Variants in LARGE1 observed in about 807,000 individuals in gnomAD.
The protein encoded by LARGE1 is LARGE xylosyl- and glucuronyltransferase 1, also known as xylosyl- and glucuronyltransferase LARGE1.
Under a neutral mutation model 87.6 loss-of-function variants are expected in LARGE1, and 43 were observed. That is an observed-to-expected ratio of 0.49 (90% CI 0.38 to 0.63). The LOEUF (loss-of-function observed/expected upper bound fraction) is 0.63, where lower values mean the gene tolerates loss of function less well. Ranked by LOEUF, LARGE1 falls within the 30% of genes least tolerant of loss-of-function variation. The probability of loss-of-function intolerance (pLI) is 0.00; values close to 1 mark genes in which losing one functional copy is unlikely to be tolerated. For missense variants in LARGE1, 802 were observed against 1,000.2 expected, an observed-to-expected ratio of 0.80 and a Z score of 2.67; for synonymous variants, 434 against 394.6, an observed-to-expected ratio of 1.10 and a Z score of -1.18.
chr22:33,447,416 C>A (rs1193235727), intron 6 of LARGE1, among the ~76,000 whole-genome samples: 1 of 152,162 alleles, frequency 6.6e-6, no homozygotes, highest in Non-Finnish European at 1.5e-5. Context: ...CATGCAGGGG[C>A]CGAGGGCCAA....
intron 6 of LARGE1, chr22:33,436,454 T>C (rs1041939902): frequency 6.5e-6 from 1 of 153,160 alleles, no homozygotes. Flanking sequence ...CCCCTGAGAT[T>C]CTTGCTAAAA....
At chr22:33,662,076 CAAAAAAAAA>C (rs34470280) in intron 2 of LARGE1, among the ~76,000 whole-genome samples, 3 of 54,896 alleles carry the variant, frequency 5.5e-5, no homozygotes, top group Admixed American at 2.2e-4. Flanking sequence ...GCTTAGGAGC[CAAAAAAAAA>C]AAAAAAAAAA....
chr22:33,542,042 A>T (rs922960770), intron 6 of LARGE1, among the ~76,000 whole-genome samples: 2 of 151,652 alleles, frequency 1.3e-5, no homozygotes, highest in Non-Finnish European at 2.9e-5. Context: ...GCTGCCTGGA[A>T]TCCCAGCTAC....
At chr22:33,316,721 A>G (rs1936201103) in intron 10 of LARGE1, among the ~76,000 whole-genome samples, 1 of 152,156 alleles carries the variant, frequency 6.6e-6, no homozygotes, top group Admixed American at 6.5e-5. Context: ...TAGGCTACAG[A>G]GCAAAACCCT....
At chr22:33,369,789 G>C (rs371843565) in intron 9 of LARGE1, among the ~76,000 whole-genome samples, 1 of 152,004 alleles carries the variant, frequency 6.6e-6, no homozygotes, top group South Asian at 2.1e-4. Context: ...AGCTGGTCTC[G>C]AATTCCTGAA....
At chr22:33,401,330 G>A (rs560204341) in intron 7 of LARGE1, among the ~76,000 whole-genome samples, 5 of 152,212 alleles carry the variant, frequency 3.3e-5, no homozygotes, top group South Asian at 4.1e-4. Context: ...GAGGTCAGAC[G>A]GGTGACCAAT....
At chr22:33,165,973 C>T (rs943858118) in exon 12 of LARGE1, 7 of 152,160 alleles carry the variant, frequency 4.6e-5, no homozygotes, top group Non-Finnish European at 1.0e-4. Flanking sequence ...GATTATTATT[C>T]AGTGTGGTAA....
chr22:33,899,736 A>C (rs2065236125), intron 1 of LARGE1, among the ~76,000 whole-genome samples: 1 of 152,236 alleles, frequency 6.6e-6, no homozygotes. Context: ...GCAAAGCAAC[A>C]TCGATGACCA....
At position 33,473,607 on chromosome 22, in the gene LARGE1, C is replaced by A. The variant is rs560639763; in HGVS notation, c.788-41342G>T. Among the ~76,000 whole-genome samples the A allele has an allele frequency of 5.6e-4, 85 of 152,240 alleles. 1 individual carries two copies. Among genetic ancestry groups the A allele is most frequent in the African/African-American group, 1.9e-3 (79 of 41,552 alleles). On this transcript the variant is annotated intron_variant, in intron 6 of 14. Transcript: ENST00000397394. ...TGACCTCGTGATCCACCATGCCCAA[C>A]CAATTTTTTGTATTTTTAGTAGAGG... is the stretch of plus-strand genomic sequence containing the variant.
At chr22:33,152,023 A>C in the LARGE1 span, among the ~76,000 whole-genome samples, 1 of 151,414 alleles carries the variant, frequency 6.6e-6, no homozygotes, top group South Asian at 2.1e-4. Flanking sequence ...TTTTCTTCAA[A>C]TGTTTGATAA....
chr22:33,903,214 A>G (rs966519166), intron 1 of LARGE1, among the ~76,000 whole-genome samples: 8 of 152,176 alleles, frequency 5.3e-5, no homozygotes, highest in Non-Finnish European at 1.0e-4. Flanking sequence ...TAATAACAGG[A>G]AGAGATTAGA....
chr22:33,393,253 A>T (rs1282050089), intron 7 of LARGE1, among the ~76,000 whole-genome samples: 1 of 152,176 alleles, frequency 6.6e-6, no homozygotes, highest in Non-Finnish European at 1.5e-5. Flanking sequence ...GAGAAACAGA[A>T]CTCTGTTTAT....
chr22:33,407,973 A>G (rs544847314), intron 7 of LARGE1, among the ~76,000 whole-genome samples: 5 of 150,738 alleles, frequency 3.3e-5, no homozygotes, highest in Admixed American at 2.0e-4. Context: ...GGTGGTAAGG[A>G]AGATAAACTT....
chr22:33,861,037 G>A (rs979606812), intron 1 of LARGE1, among the ~76,000 whole-genome samples: 4 of 152,170 alleles, frequency 2.6e-5, no homozygotes, highest in South Asian at 2.1e-4. Context: ...GGTGGGCAAC[G>A]CTTCCTTAGG....
chr22:33,551,616 A>G (rs191076127), intron 6 of LARGE1, among the ~76,000 whole-genome samples: 21 of 152,332 alleles, frequency 1.4e-4, no homozygotes, highest in Admixed American at 2.6e-4. Context: ...CTTTATCTCC[A>G]TAAATTCATT....
chr22:33,458,238 T>C lies in LARGE1; in HGVS notation c.788-25973A>G, dbSNP rs548200932. On this transcript the variant is annotated intron_variant, in intron 6 of 14. Transcript: ENST00000397394. Reference sequence around the variant, plus strand: ...TCTCCTGCCTCAGCCTCCCAGTAGCTGGGACTACAGGTGCTGCCACCACGC... The same window carrying C: ...TCTCCTGCCTCAGCCTCCCAGTAGCCGGGACTACAGGTGCTGCCACCACGC... Among the ~76,000 whole-genome samples, 5 of 151,506 alleles carry C rather than the reference T, an allele frequency of 3.3e-5. No homozygotes were observed. In the East Asian group the frequency reaches 9.8e-4, roughly 30 times the overall value.
At chr22:33,661,360 C>T (rs1349155840) in intron 2 of LARGE1, among the ~76,000 whole-genome samples, 1 of 151,576 alleles carries the variant, frequency 6.6e-6, no homozygotes, top group Admixed American at 6.6e-5. Flanking sequence ...GGATTACAGG[C>T]GCGCCACCAT....
the LARGE1 span, among the ~76,000 whole-genome samples, chr22:33,134,408 G>A: frequency 6.6e-6 from 1 of 151,928 alleles, no homozygotes; most frequent in Non-Finnish European, 1.5e-5. Context: ...ACAAGCGCCC[G>A]CCACCACGCC....
intron 1 of LARGE1, among the ~76,000 whole-genome samples, chr22:33,770,852 C>T (rs1170300833): frequency 2.0e-5 from 3 of 152,114 alleles, no homozygotes; most frequent in Admixed American, 1.3e-4. Flanking sequence ...TCATTTACTC[C>T]TCCCATTCTT....
Sources: allele counts gnomAD v4.1 joint callset (sites outside exome capture counted in the v4.1 genomes callset), GRCh38; gene constraint gnomAD v4.1.1; transcripts MANE v1.5; gene names NCBI Gene and HGNC (gene_info 2026-07-23, HGNC 2026-07-21).